Variants in PRDM12 observed in about 807,000 individuals in gnomAD.
PRDM12 encodes the protein PR domain zinc finger protein 12.
In PRDM12, 17 loss-of-function variants were observed where a neutral mutation model predicts 29.6. The observed-to-expected ratio is 0.57, with a 90% CI of 0.39 to 0.86. PRDM12 has a LOEUF of 0.86. Ranked by LOEUF, PRDM12 falls within the 40% of genes least tolerant of loss-of-function variation. The pLI is 0.00. For missense variants in PRDM12, 422 were observed against 510.8 expected (o/e 0.83, Z 1.68); for synonymous variants, 231 against 225.8 (o/e 1.02, Z -0.21).
chr9:130,668,094 G>C lies in PRDM12; in HGVS notation c.415-64G>C. The C allele has an allele frequency of 1.3e-6, 2 of 1,568,528 alleles. No homozygotes were observed. Among genetic ancestry groups the C allele is most frequent in the Non-Finnish European group, 1.7e-6 (2 of 1,143,376 alleles). On this transcript the variant is annotated intron_variant, in intron 2 of 4. Coordinates refer to ENST00000253008, the MANE Select transcript of PRDM12 (RefSeq NM_021619.3). The surrounding 1 kb of genome is among the most constrained non-coding windows in gnomAD (Gnocchi z 4.0). ...GGATGGAGAGTGTGTGTGTGGATGT[G>C]CCTGGAAGATGGTACACATGGCATA...
At chr9:130,677,049 A>C (rs1830849302) in intron 3 of PRDM12, among the ~76,000 whole-genome samples, 1 of 152,098 alleles carries the variant, frequency 6.6e-6, no homozygotes. Flanking sequence ...TCAGCCTCCC[A>C]AGTAGCTGGG....
At chr9:130,679,571 G>C (rs545630286) in intron 4 of PRDM12, among the ~76,000 whole-genome samples, 4 of 152,224 alleles carry the variant, frequency 2.6e-5, no homozygotes, top group East Asian at 3.9e-4. Context: ...GACCTCAAGC[G>C]ATCTGCCCAC....
rs1361717123 is a variant in PRDM12, at chr9:130,666,524, G to A, written c.224-84G>A. ...GGGTTTGGCTGGTCTGGGCAGGACC[G>A]AAGCCGGGGTCCCGGCGGGGAAGGA... On this transcript the variant is annotated intron_variant, in intron 1 of 4. Coordinates refer to ENST00000253008, the MANE Select transcript of PRDM12 (RefSeq NM_021619.3). The A allele has an allele frequency of 5.2e-6, 8 of 1,537,378 alleles. No individual in the cohort carries two copies. The South Asian group carries it at 6.1e-5, about 12-fold the overall frequency.
In PRDM12 at chr9:130,664,992, C is replaced by G; in HGVS notation, c.223+116C>G. On this transcript the variant is annotated intron_variant, in intron 1 of 4. Coordinates refer to ENST00000253008, the MANE Select transcript of PRDM12 (RefSeq NM_021619.3). This position sits in a 1 kb window ranked among gnomAD's most constrained non-coding sequence, Gnocchi z 6.4. ...CGGCCTCGCTGCTACTCGCGCCAAC[C>G]TGGGCTCTCCCGGCGCTCGGTGCAC... The G allele has an allele frequency of 9.2e-7, 1 of 1,091,882 alleles. No homozygotes were observed. The highest frequency in any genetic ancestry group is 1.6e-5 in the South Asian group (1 of 61,782). 67.6% of individuals were successfully genotyped at this position (1,091,882 alleles called of 1,614,324 possible).
intron 3 of PRDM12, among the ~76,000 whole-genome samples, chr9:130,674,855 A>G (rs1830826772): frequency 6.6e-6 from 1 of 152,138 alleles, no homozygotes; most frequent in Non-Finnish European, 1.5e-5. Context: ...TCACCCTTAT[A>G]CTGCAATAGT....
chr9:130,675,052 G>T (rs755061865), intron 3 of PRDM12, among the ~76,000 whole-genome samples: 19 of 152,166 alleles, frequency 1.2e-4, no homozygotes, highest in Middle Eastern at 3.4e-3. Context: ...GCTAATTTTT[G>T]TATTTTTGGT....
intron 3 of PRDM12, among the ~76,000 whole-genome samples, chr9:130,677,991 CAG>C (rs1830858828): frequency 7.0e-6 from 1 of 143,752 alleles, no homozygotes; most frequent in Admixed American, 7.2e-5. Context: ...GCCGTGTGCA[CAG>C]AGACACTCAG....
At position 130,668,071 on chromosome 9, in the gene PRDM12, A is replaced by AT; in HGVS notation, c.415-86dup. ...TCCACTTCCTGGGGCTGTTGTGAGG[A>AT]TGGAGAGTGTGTGTGTGGATGTGCC... On this transcript the variant is annotated intron_variant, in intron 2 of 4. Coordinates refer to ENST00000253008, the MANE Select transcript of PRDM12 (RefSeq NM_021619.3). This position sits in a 1 kb window ranked among gnomAD's most constrained non-coding sequence, Gnocchi z 4.0. The AT allele has an allele frequency of 6.8e-7, 1 of 1,478,804 alleles. No individual in the cohort carries two copies. The highest frequency in any genetic ancestry group is 1.2e-5 in the South Asian group (1 of 82,740). 91.6% of individuals were successfully genotyped at this position (1,478,804 alleles called of 1,614,324 possible).
At chr9:130,677,125 A>G (rs886888588) in intron 3 of PRDM12, among the ~76,000 whole-genome samples, 30 of 152,110 alleles carry the variant, frequency 2.0e-4, no homozygotes, top group African/African-American at 6.0e-4. Flanking sequence ...GGGTTTTGCT[A>G]TGTTGCCCAG....
In PRDM12 at chr9:130,679,960, G is replaced by A. The variant is rs189914061; in HGVS notation, c.683-1288G>A. 3.8e-4 allele frequency among the ~76,000 whole-genome samples: 58 copies of A among 152,028 alleles called. 1 individual carries two copies. Among genetic ancestry groups the A allele is most frequent in the African/African-American group, 9.9e-4 (41 of 41,466 alleles). On this transcript the variant is annotated intron_variant, in intron 4 of 4. Transcript: ENST00000253008. ...ACAGGCATGAGGCACCGTGGTCAGC[G>A]GTCCTTATTTTTGGAGGATGAACCT...
At chr9:130,680,648 T>C (rs565457252) in intron 4 of PRDM12, among the ~76,000 whole-genome samples, 3,135 of 81,924 alleles carry the variant, frequency 0.038, 131 homozygotes, top group Non-Finnish European at 0.052. Context: ...TATATATATA[T>C]ATATATATAT....
intron 3 of PRDM12, among the ~76,000 whole-genome samples, chr9:130,674,959 A>G (rs1267559419): frequency 6.6e-6 from 1 of 152,168 alleles, no homozygotes; most frequent in Non-Finnish European, 1.5e-5. Context: ...AGCTCACTGC[A>G]ACCTCCGCCT....
At position 130,666,943 on chromosome 9, in the gene PRDM12, C is replaced by A. The variant is rs931385298; in HGVS notation, c.414+145C>A. The A allele has an allele frequency of 8.7e-6, 10 of 1,152,320 alleles. No homozygotes were observed. The African/African-American group carries it at 1.7e-4, about 19-fold the overall frequency. The allele number at this position is 1,152,320 out of a possible 1,614,324, so 71.4% of individuals were successfully genotyped here. A position where few individuals can be genotyped will look rare whatever the true frequency, so the allele number is the denominator to read the frequency against. On this transcript the variant is annotated intron_variant, in intron 2 of 4. Transcript: ENST00000253008. ...CCTGGACGCCCCCTGAGCCGGGACTCTAAGCCGCCCGAGCCTGGAGCTCAC... is the reference window on the plus strand; with the variant it reads ...CCTGGACGCCCCCTGAGCCGGGACTATAAGCCGCCCGAGCCTGGAGCTCAC...
Position 130,681,827 on chromosome 9 carries a change from G to A in PRDM12, c.*158G>A. ...CCGGAGGCGGATCTCAGGCACCCCC[G>A]CCTTGGCCCGTGTCGCAGATGAGGA... On this transcript the variant is annotated 3_prime_UTR_variant, in exon 5 of 5. Transcript: ENST00000253008. The surrounding 1 kb of genome is among the most constrained non-coding windows in gnomAD (Gnocchi z 8.1). 1.6e-6 allele frequency: 1 copy of A among 641,830 alleles called. No homozygotes were observed. Among genetic ancestry groups the A allele is most frequent in the Non-Finnish European group, 1.9e-6 (1 of 516,178 alleles). The allele number at this position is 641,830 out of a possible 1,614,324, so 39.8% of individuals were successfully genotyped here. A position where few individuals can be genotyped will look rare whatever the true frequency, so the allele number is the denominator to read the frequency against.
At chr9:130,666,015 G>A (rs1008753245) in intron 1 of PRDM12, among the ~76,000 whole-genome samples, 4 of 152,184 alleles carry the variant, frequency 2.6e-5, no homozygotes, top group Admixed American at 2.6e-4. Context: ...AGAGGGACTC[G>A]GGCGCGCCCG....
intron 3 of PRDM12, among the ~76,000 whole-genome samples, chr9:130,677,242 T>A (rs575209277): frequency 3.3e-4 from 51 of 152,248 alleles, no homozygotes; most frequent in Admixed American, 1.5e-3. Flanking sequence ...TCCCTTCTTT[T>A]CAGGGGTGAG....
chr9:130,681,691 G>A lies in PRDM12; in HGVS notation c.*22G>A. ...GTGAGCGCGCCCGCGCCCCCGCCGGGCCCCGCGCGCTCCTGGGTCCCCGGC... is the reference window on the plus strand; with the variant it reads ...GTGAGCGCGCCCGCGCCCCCGCCGGACCCCGCGCGCTCCTGGGTCCCCGGC... On this transcript the variant is annotated 3_prime_UTR_variant, in exon 5 of 5. Coordinates refer to ENST00000253008, the MANE Select transcript of PRDM12 (RefSeq NM_021619.3). The surrounding 1 kb of genome is among the most constrained non-coding windows in gnomAD (Gnocchi z 8.1). 1.0e-6 allele frequency: 1 copy of A among 980,450 alleles called. No individual in the cohort carries two copies. The highest frequency in any genetic ancestry group is 1.2e-6 in the Non-Finnish European group (1 of 827,748). The allele number at this position is 980,450 out of a possible 1,614,324, so 60.7% of individuals were successfully genotyped here.
Position 130,681,102 on chromosome 9 carries a change from C to A in PRDM12, c.683-146C>A. ...CGCTGTCCCTCCAGTCCGTCTGCCA[C>A]CGTCCAAGCAGCACCCACCCTCAAG... is the stretch of plus-strand genomic sequence containing the variant. On this transcript the variant is annotated intron_variant, in intron 4 of 4. Transcript: ENST00000253008. The surrounding 1 kb of genome is among the most constrained non-coding windows in gnomAD (Gnocchi z 8.1). 1.2e-6 allele frequency: 1 copy of A among 816,810 alleles called. No individual in the cohort carries two copies. Among genetic ancestry groups the A allele is most frequent in the Non-Finnish European group, 1.7e-6 (1 of 595,068 alleles). The allele number at this position is 816,810 out of a possible 1,614,324, so 50.6% of individuals were successfully genotyped here. A position where few individuals can be genotyped will look rare whatever the true frequency, so the allele number is the denominator to read the frequency against.
intron 4 of PRDM12, among the ~76,000 whole-genome samples, chr9:130,680,416 C>T (rs1437563350): frequency 1.3e-5 from 2 of 151,542 alleles, no homozygotes; most frequent in East Asian, 2.0e-4. Flanking sequence ...GGGTGGATCT[C>T]GAGGTCAAGA....
Sources: gnomAD v4.1 joint callset for allele counts (sites outside exome capture counted in the v4.1 genomes callset) on GRCh38, gnomAD v4.1.1 for gene constraint, Gnocchi (gnomAD v3.1) non-coding constraint, MANE v1.5 for transcripts, NCBI Gene and HGNC (gene_info 2026-07-23, HGNC 2026-07-21) for gene names.